Variants in ACTR3C observed in about 807,000 individuals in gnomAD.
ACTR3C encodes actin related protein 3C.
In ACTR3C, 18 loss-of-function variants were observed where a neutral mutation model predicts 26.3. The observed-to-expected ratio is 0.68, with a 90% CI of 0.47 to 1.01. The LOEUF (loss-of-function observed/expected upper bound fraction) is 1.01. ACTR3C is among the 50% of genes least tolerant of loss of function. ACTR3C has a pLI of 0.00. For missense variants in ACTR3C, 184 were observed against 250.7 expected (o/e 0.73, Z 1.80); for synonymous variants, 55 against 94.5 (o/e 0.58, Z 2.42).
chr7:150,315,402 C>T (rs556098059), intron 1 of ACTR3C, among the ~76,000 whole-genome samples: 1 of 152,232 alleles, frequency 6.6e-6, no homozygotes, highest in African/African-American at 2.4e-5. Context: ...GCAACGCCTA[C>T]AAATCAATCA....
the ACTR3C span, among the ~76,000 whole-genome samples, chr7:150,122,653 G>A: frequency 1.3e-5 from 2 of 152,204 alleles, no homozygotes; most frequent in Non-Finnish European, 2.9e-5. Flanking sequence ...GTATAAATTA[G>A]TTCAACCATT....
chr7:149,929,936 G>A, the ACTR3C span, among the ~76,000 whole-genome samples: 10 of 152,274 alleles, frequency 6.6e-5, no homozygotes, highest in Admixed American at 1.3e-4. Flanking sequence ...AGAGTGAGGC[G>A]CGTCCCTATC....
At chr7:149,982,459 A>G in the ACTR3C span, among the ~76,000 whole-genome samples, 23,308 of 151,962 alleles carry the variant, frequency 0.15, 3,526 homozygotes, top group African/African-American at 0.39. Flanking sequence ...AGATTGCTTT[A>G]CAGGATCTCA....
chr7:150,082,153 A>G, the ACTR3C span, among the ~76,000 whole-genome samples: 1 of 152,174 alleles, frequency 6.6e-6, no homozygotes, highest in South Asian at 2.1e-4. Flanking sequence ...CTTCCTTTCC[A>G]TATACAGGGA....
the ACTR3C span, among the ~76,000 whole-genome samples, chr7:150,027,259 T>A: frequency 2.6e-5 from 4 of 152,138 alleles, no homozygotes; most frequent in African/African-American, 9.7e-5. Context: ...TGGGGATCAT[T>A]GCATATGAGA....
chr7:150,243,853 G>C (rs1207462080), downstream of ACTR3C: 1 of 151,868 alleles, frequency 6.6e-6, no homozygotes, highest in Non-Finnish European at 1.5e-5. Context: ...CACGAATTCA[G>C]AACCCATGGA....
the ACTR3C span, among the ~76,000 whole-genome samples, chr7:150,194,518 A>G: frequency 6.6e-6 from 1 of 151,046 alleles, no homozygotes; most frequent in African/African-American, 2.4e-5. Flanking sequence ...ATCCAATCTG[A>G]CCATCTTTGC....
intron 6 of ACTR3C, among the ~76,000 whole-genome samples, chr7:150,255,787 G>C (rs1308054311): frequency 6.6e-6 from 1 of 152,206 alleles, no homozygotes; most frequent in Non-Finnish European, 1.5e-5. Flanking sequence ...GTGTACATGA[G>C]TGTGTATATC....
At chr7:150,142,294 G>T in the ACTR3C span, among the ~76,000 whole-genome samples, 2 of 152,128 alleles carry the variant, frequency 1.3e-5, no homozygotes, top group African/African-American at 4.8e-5. Flanking sequence ...AATAGGATGC[G>T]TGTTAGAACC....
chr7:150,273,634 T>C (rs1032823341), intron 6 of ACTR3C, among the ~76,000 whole-genome samples: 2 of 150,786 alleles, frequency 1.3e-5, no homozygotes, highest in Non-Finnish European at 2.9e-5. Context: ...TTAACAAATA[T>C]TTACTGAGCC....
intron 1 of ACTR3C, among the ~76,000 whole-genome samples, chr7:150,304,479 A>G (rs578246298): frequency 1.3e-5 from 2 of 152,194 alleles, no homozygotes; most frequent in South Asian, 4.1e-4. Context: ...TCAACTATCA[A>G]CACGTGAATG....
chr7:150,040,518 T>G, the ACTR3C span: 1 of 148,748 alleles, frequency 6.7e-6, no homozygotes, highest in African/African-American at 2.6e-5. Flanking sequence ...GGATCCACAG[T>G]CTACGAAACC....
the ACTR3C span, among the ~76,000 whole-genome samples, chr7:150,207,107 A>C: frequency 1.3e-5 from 2 of 152,216 alleles, no homozygotes; most frequent in Non-Finnish European, 2.9e-5. Flanking sequence ...TACAGTTATC[A>C]TGTGGGGAAG....
At chr7:150,139,062 A>G in the ACTR3C span, among the ~76,000 whole-genome samples, 6 of 152,266 alleles carry the variant, frequency 3.9e-5, no homozygotes, top group Admixed American at 2.6e-4. Context: ...ATACGTTACA[A>G]TGTAATAAGA....
Position 150,320,489 on chromosome 7 carries a change from G to A in ACTR3C, c.-52+2980C>T, listed in dbSNP as rs111586221. 1.2e-3 allele frequency among the ~76,000 whole-genome samples: 184 copies of A among 152,178 alleles called. 1 individual carries two copies. Among genetic ancestry groups the A allele is most frequent in the South Asian group, 1.9e-3 (9 of 4,830 alleles). ...AAGAATGCCTTTTTCCAGGCCAGGC[G>A]CCATGGCTCAAGCCTGTAATCCCAG... On this transcript the variant is annotated intron_variant, in intron 1 of 7. Coordinates refer to ENST00000683684, the MANE Select transcript of ACTR3C (RefSeq NM_001164458.2).
chr7:149,954,173 T>G, the ACTR3C span, among the ~76,000 whole-genome samples: 2 of 151,978 alleles, frequency 1.3e-5, no homozygotes, highest in South Asian at 2.1e-4. Context: ...TAATTTAATT[T>G]TCATGGTTTT....
chr7:150,052,171 T>C, the ACTR3C span, among the ~76,000 whole-genome samples: 2 of 151,104 alleles, frequency 1.3e-5, no homozygotes, highest in Non-Finnish European at 2.9e-5. Context: ...TCTGGGTAGC[T>C]TGAGAAAACA....
chr7:150,168,637 A>G, the ACTR3C span, among the ~76,000 whole-genome samples: 850 of 150,898 alleles, frequency 5.6e-3, 84 homozygotes, highest in African/African-American at 0.02. Flanking sequence ...ATCTTCAATA[A>G]AACCAGTCCC....
chr7:150,034,898 G>T, the ACTR3C span, among the ~76,000 whole-genome samples: 295 of 148,358 alleles, frequency 2.0e-3, 6 homozygotes, highest in African/African-American at 6.4e-3. Flanking sequence ...CCTCGCGGGG[G>T]GTGCCTCCCC....
Sources: gnomAD v4.1 joint callset for allele counts (sites outside exome capture counted in the v4.1 genomes callset) on GRCh38, gnomAD v4.1.1 for gene constraint, MANE v1.5 for transcripts, NCBI Gene and HGNC (gene_info 2026-07-23, HGNC 2026-07-21) for gene names.